The following PRSS36 variants were observed in gnomAD, a reference collection of about 807,000 sequenced individuals.
The protein encoded by PRSS36 is serine protease 36, also known as polyserase-2.
Under a neutral mutation model 94.3 loss-of-function variants are expected in PRSS36, and 90 were observed. That is an observed-to-expected ratio of 0.95 (90% CI 0.80 to 1.14). The LOEUF is 1.14. Ranked by LOEUF, PRSS36 falls within the 50% of genes most tolerant of loss-of-function variation. The pLI, the probability that PRSS36 is intolerant of heterozygous loss-of-function variation, is 0.00. For synonymous variants in PRSS36, 500 were observed against 489.6 expected (o/e 1.02, Z -0.28); for missense variants, 1,158 against 1,135.0 (o/e 1.02, Z -0.29).
intron 8 of PRSS36, among the ~76,000 whole-genome samples, 156 bp from the exon 9 acceptor site, chr16:31,143,149 G>A (rs572097730): frequency 5.1e-4 from 77 of 152,162 alleles, no homozygotes; most frequent in African/African-American, 1.8e-3. Context: ...CCGCCTCCGG[G>A]ATCGAACTTC....
chr16:31,145,372 C>CA (rs376926791), intron 6 of PRSS36, among the ~76,000 whole-genome samples: 13,129 of 44,166 alleles, frequency 0.3, 2,433 homozygotes, highest in African/African-American at 0.38. Flanking sequence ...GACTCCGTCT[C>CA]AAAAAAAAAA....
intron 6 of PRSS36, 95 bp from the exon 7 acceptor site, chr16:31,143,932 C>A: frequency 1.3e-6 from 2 of 1,493,244 alleles, no homozygotes; most frequent in South Asian, 1.2e-5. Flanking sequence ...CCACCTTCTC[C>A]CTTCTCCTAG....
In PRSS36 at chr16:31,141,955, G is replaced by C. The variant is rs1379093197; in HGVS notation, c.1527C>G (p.Asp509Glu). The C allele has an allele frequency of 6.2e-7, 1 of 1,614,028 alleles. No homozygotes were observed. The highest frequency in any genetic ancestry group is 1.7e-5 in the Admixed American group (1 of 60,018). Reference protein sequence around the residue: ...EKEEVGSCWNDSRWSLLCQEE... With the variant: ...EKEEVGSCWNESRWSLLCQEE... ...CCTGGCACAAAAGGCTCCAACGCGAGTCATTCTGCAGCAACAAAGTGTGTG... is the reference window on the plus strand; with the variant it reads ...CCTGGCACAAAAGGCTCCAACGCGACTCATTCTGCAGCAACAAAGTGTGTG... The change falls in exon 11 of 15, where the codon GAC becomes GAG. Residue 509 changes from aspartate (D) to glutamate (E), a missense_variant. Transcript: ENST00000268281.
chr16:31,143,669 GC>G lies in PRSS36; in HGVS notation c.888del (p.Pro297LeufsTer44). The part of the protein sequence containing the change: ...IREQVMGSEP[G>X]PAFPTQPQKT... ...TTCTGGGGCTGGGTGGGAAAGGCAG[GC>G]CCAGGCTCTGAACCCATCACCTGCT... On this transcript the variant is annotated frameshift_variant, in exon 7 of 15. Transcript: ENST00000268281. LOFTEE classifies it high-confidence loss of function. The G allele has an allele frequency of 6.2e-7, 1 of 1,614,170 alleles. No homozygotes were observed. Among genetic ancestry groups the G allele is most frequent in the Non-Finnish European group, 8.5e-7 (1 of 1,180,026 alleles).
Position 31,149,079 on chromosome 16 carries a change from A to C in PRSS36, c.266T>G (p.Phe89Cys). The C allele has an allele frequency of 6.3e-7, 1 of 1,593,616 alleles. No individual in the cohort carries two copies. Among genetic ancestry groups the C allele is most frequent in the Middle Eastern group, 1.7e-4 (1 of 5,962 alleles). ...GACCAGGGCGAATACTCACGTCATGAAACAGTGAGCAGCGGAGAGGACCCA... is the reference window on the plus strand; with the variant it reads ...GACCAGGGCGAATACTCACGTCATGCAACAGTGAGCAGCGGAGAGGACCCA... ...PSWVLSAAHC[F>C]MTNGTLEPAA... The change falls in exon 4 of 15, where the codon TTC becomes TGC. Residue 89 changes from phenylalanine (F) to cysteine (C), a missense_variant. By Grantham distance (205) the Phe-to-Cys change is radical (BLOSUM62 -2). Transcript: ENST00000268281.
chr16:31,143,770 A>C lies in PRSS36; in HGVS notation c.788T>G (p.Phe263Cys), dbSNP rs1206886040. 2 of 1,613,968 alleles carry C rather than the reference A, an allele frequency of 1.2e-6. No homozygotes were observed. The highest frequency in any genetic ancestry group is 2.2e-5 in the South Asian group (2 of 91,082). ...GTTTCTCCGTCCACAGCCAAAGCCA[A>C]AGCTGGTGATTCCTGCCTGGAACCA... is the stretch of plus-strand genomic sequence containing the variant. Reference protein sequence around the residue: ...GRWFQAGITSFGFGCGRRNRP... With the variant: ...GRWFQAGITSCGFGCGRRNRP... Residue 263 changes from phenylalanine (F) to cysteine (C), a missense_variant, in exon 7 of 15, where the codon TTT (phenylalanine) becomes TGT (cysteine). Phe to Cys is a radical substitution (Grantham distance 205). Transcript: ENST00000268281.
intron 14 of PRSS36, among the ~76,000 whole-genome samples, 160 bp downstream of exon 14, chr16:31,140,134 T>C (rs554943747): frequency 6.7e-6 from 1 of 150,308 alleles, no homozygotes; most frequent in Non-Finnish European, 1.5e-5. Flanking sequence ...GAGCTTGCAG[T>C]GAGCCGAGAT....
intron 5 of PRSS36, 49 bp downstream of exon 5, chr16:31,148,346 C>G (rs1205223921): frequency 6.7e-7 from 1 of 1,482,632 alleles, no homozygotes; most frequent in Non-Finnish European, 8.9e-7. Flanking sequence ...CCTCACCTCT[C>G]GAAGCCCCAC....
In PRSS36 at chr16:31,142,917, G is replaced by T; in HGVS notation, c.1177C>A (p.Arg393=). 3.3e-6 allele frequency: 5 copies of T among 1,527,978 alleles called. No homozygotes were observed. Among genetic ancestry groups the T allele is most frequent in the Non-Finnish European group, 4.4e-6 (5 of 1,143,924 alleles). 94.7% of individuals were successfully genotyped at this position (1,527,978 alleles called of 1,614,324 possible). Reference sequence around the variant, plus strand: ...TCGTGCTGCACCAGGCGCGCCACCCGCTCCGCGCGCGGGCGCGAGGGCAGC... The same window carrying T: ...TCGTGCTGCACCAGGCGCGCCACCCTCTCCGCGCGCGGGCGCGAGGGCAGC... The part of the protein sequence containing the change: ...VLLPSRPRAE[R]VARLVQHENA... The change falls in exon 9 of 15, where the codon CGG becomes AGG. Residue 393 remains arginine, a synonymous_variant. Coordinates refer to ENST00000268281, the MANE Select transcript of PRSS36 (RefSeq NM_173502.5).
In PRSS36 at chr16:31,141,722, C is replaced by G; in HGVS notation, c.1759+1G>C. On this transcript the variant is annotated splice_donor_variant, in intron 11 of 14. Transcript: ENST00000268281. LOFTEE classifies it high-confidence loss of function. Reference sequence around the variant, plus strand: ...CTAGGGCCCAAAAGCGTCCTGCTCACCACCATGCTCTGTGTGTGGGGGACA... The same window carrying G: ...CTAGGGCCCAAAAGCGTCCTGCTCAGCACCATGCTCTGTGTGTGGGGGACA... 1.2e-6 allele frequency: 2 copies of G among 1,611,088 alleles called. No individual in the cohort carries two copies. Among genetic ancestry groups the G allele is most frequent in the African/African-American group, 2.7e-5 (2 of 74,978 alleles).
At position 31,145,809 on chromosome 16, in the gene PRSS36, C is replaced by T. The variant is rs1398778962; in HGVS notation, c.700G>A (p.Gly234Ser). The change falls in exon 6 of 15, where the codon GGC (glycine) becomes AGC (serine). Residue 234 changes from glycine to serine, a missense_variant. By Grantham distance (56) the Gly-to-Ser change is moderately conservative. Coordinates refer to ENST00000268281, the MANE Select transcript of PRSS36 (RefSeq NM_173502.5). The part of the protein sequence containing the change: ...PGMLCAGYPE[G>S]RRDTCQGDSG... ...CTCACCTGGCAGGTGTCCCTGCGGC[C>T]CTCTGGGTAGCCAGCACACAGCATC... 1 of 1,613,610 alleles carries T rather than the reference C, an allele frequency of 6.2e-7. No individual in the cohort carries two copies. Among genetic ancestry groups the T allele is most frequent in the Admixed American group, 1.7e-5 (1 of 59,986 alleles).
At chr16:31,147,479 G>A (rs1021866341) in intron 5 of PRSS36, among the ~76,000 whole-genome samples, 1 of 152,166 alleles carries the variant, frequency 6.6e-6, no homozygotes, top group African/African-American at 2.4e-5. Flanking sequence ...ATGGGCACAG[G>A]TCTGACCACG....
intron 12 of PRSS36, 114 bp from the exon 13 acceptor site, chr16:31,140,871 C>T (rs1204470816): frequency 2.6e-6 from 3 of 1,155,096 alleles, no homozygotes; most frequent in Middle Eastern, 2.6e-4. Flanking sequence ...CTTCATCATC[C>T]CTCCTTCCAA....
intron 14 of PRSS36, among the ~76,000 whole-genome samples, chr16:31,139,967 G>A (rs552802708): frequency 8.6e-5 from 13 of 151,140 alleles, no homozygotes; most frequent in Admixed American, 3.3e-4. Context: ...GGCCGAGGCC[G>A]GCGGATCACG....
rs746022666 is a variant in PRSS36 at position 31,140,626 on chromosome 16, G to A, written c.2033C>T (p.Pro678Leu). 290 of 1,612,564 alleles carry A rather than the reference G, an allele frequency of 1.8e-4. No homozygotes were observed. The highest frequency in any genetic ancestry group is 2.3e-4 in the Non-Finnish European group (267 of 1,179,352). Residue 678 changes from proline to leucine, a missense_variant, in exon 13 of 15, where the codon CCC (proline) becomes CTC (leucine). Pro to Leu is a moderately conservative substitution (Grantham distance 98, BLOSUM62 -3). Transcript: ENST00000268281. ...GCTCAGCTCCAGGAGGGCCAGGGGG[G>A]GCCTGAGTCCCAGGTGCTGGGGCAG... ...IRLPQHLGLR[P>L]PLALLELSSR...
In PRSS36 at chr16:31,149,155, G is replaced by T; in HGVS notation, c.190C>A (p.Leu64Met). 6.3e-7 allele frequency: 1 copy of T among 1,577,968 alleles called. No individual in the cohort carries two copies. The highest frequency in any genetic ancestry group is 1.2e-5 in the South Asian group (1 of 86,242). Residue 64 changes from leucine to methionine, a missense_variant, in exon 4 of 15, where the codon CTG becomes ATG. Leu to Met is a conservative substitution (Grantham distance 15). Coordinates refer to ENST00000268281, the MANE Select transcript of PRSS36 (RefSeq NM_173502.5). ...CAGATGTGGCCACCTCCATGGTGCA[G>T]GCTCACTTGCCAAGGCCAGGTGCCC... ...QPGTWPWQVS[L>M]HHGGGHICGG...
At position 31,150,029 on chromosome 16, in the gene PRSS36, G is replaced by C; in HGVS notation, c.7C>G (p.Arg3Gly). 2 of 1,613,874 alleles carry C rather than the reference G, an allele frequency of 1.2e-6. No homozygotes were observed. Among genetic ancestry groups the C allele is most frequent in the South Asian group, 1.1e-5 (1 of 91,070 alleles). MARHLLLPLVMLV... is the reference protein window; with the variant it reads MAGHLLLPLVMLV... The stretch of plus-strand genomic sequence containing the variant: ...ATCACAAGGGGGAGGAGCAGGTGCC[G>C]GGCCATGGCGCTAGAGTCAGCGGAG... The change falls in exon 1 of 15, where the codon CGG (arginine) becomes GGG (glycine). Residue 3 changes from arginine to glycine, a missense_variant. By Grantham distance (125) the Arg-to-Gly change is moderately radical. Coordinates refer to ENST00000268281, the MANE Select transcript of PRSS36 (RefSeq NM_173502.5).
intron 8 of PRSS36, 84 bp downstream of exon 8, chr16:31,143,258 T>G: frequency 6.6e-7 from 1 of 1,504,550 alleles, no homozygotes; most frequent in Non-Finnish European, 8.9e-7. Flanking sequence ...CCACACCCCC[T>G]GGGGAGGGGC....
chr16:31,143,246 C>T (rs2057742912), intron 8 of PRSS36, 96 bp downstream of exon 8: 3 of 1,501,458 alleles, frequency 2.0e-6, no homozygotes, highest in Admixed American at 2.3e-5. Flanking sequence ...ACCCCGCCCC[C>T]CCCACACCCC....
Sources: allele counts gnomAD v4.1 joint callset (sites outside exome capture counted in the v4.1 genomes callset), GRCh38; gene constraint gnomAD v4.1.1; transcripts MANE v1.5; gene names NCBI Gene and HGNC (gene_info 2026-07-23, HGNC 2026-07-21).